Variants in FAM227B observed in about 807,000 individuals in gnomAD.
The protein encoded by FAM227B is family with sequence similarity 227 member B.
FAM227B carries 88 observed loss-of-function variants against 73.8 expected under a neutral mutation model. The observed-to-expected ratio is 1.19, with a 90% CI of 1.00 to 1.42. FAM227B has a LOEUF of 1.42. Among genes scored for constraint, FAM227B ranks in the 40% most tolerant of loss-of-function variants. The pLI, the probability that FAM227B is intolerant of heterozygous loss-of-function variation, is 0.00. For missense variants in FAM227B, 632 were observed against 590.9 expected (o/e 1.07, Z -0.72); for synonymous variants, 210 against 190.5 (o/e 1.10, Z -0.84).
At chr15:49,550,265 C>T (rs1276030005) in intron 9 of FAM227B, among the ~76,000 whole-genome samples, 85 of 146,166 alleles carry the variant, frequency 5.8e-4, no homozygotes, top group Admixed American at 1.7e-3. Flanking sequence ...GGGCTCCTCA[C>T]TTCCCAGTAG....
chr15:49,592,737 C>T (rs1186428548), intron 3 of FAM227B, among the ~76,000 whole-genome samples: 1 of 152,176 alleles, frequency 6.6e-6, no homozygotes, highest in African/African-American at 2.4e-5. Context: ...CAGATAGGGA[C>T]GTTTAAGTCT....
chr15:49,611,361 T>C lies in FAM227B; in HGVS notation c.52-93A>G, dbSNP rs553707862. The C allele has an allele frequency of 3.4e-5, 22 of 645,856 alleles. No homozygotes were observed. In the South Asian group the frequency reaches 4.7e-4, roughly 14 times the overall value. 40.0% of individuals were successfully genotyped at this position (645,856 alleles called of 1,614,324 possible). On this transcript the variant is annotated intron_variant, in intron 2 of 15. Transcript: ENST00000299338. The stretch of plus-strand genomic sequence containing the variant: ...AATTTACTTAAATAAAATGATACTC[T>C]ATTTATCATTTTCAGAGCGGTAAGA...
At position 49,489,840 on chromosome 15, in the gene FAM227B, TTTATATATATATATATATTTTATA is replaced by T. The variant is rs1567382187; in HGVS notation, c.1012+18347_1012+18370del. 8.2e-4 allele frequency among the ~76,000 whole-genome samples: 18 copies of T among 21,828 alleles called. No homozygotes were observed. In the East Asian group the frequency reaches 0.013, roughly 15 times the overall value. The allele number at this position is 21,828 out of a possible 152,430, so 14.3% of individuals were successfully genotyped here. ...ATATATTTTATATATATATATATATTTTATATATATATATATATTTTATATATATATATATATATATATAGAGAG... is the reference window on the plus strand; with the variant it reads ...ATATATTTTATATATATATATATATTTATATATATATATATATATAGAGAG... On this transcript the variant is annotated intron_variant, in intron 11 of 15. Transcript: ENST00000299338.
At chr15:49,523,302 T>C (rs1580998) in intron 10 of FAM227B, among the ~76,000 whole-genome samples, 134,841 of 152,142 alleles carry the variant, frequency 0.89, 61,119 homozygotes, top group Non-Finnish European at 0.98. Flanking sequence ...TGAATCATGA[T>C]GGTAGGTTTT....
chr15:49,361,490 C>A (rs899987283), intron 13 of FAM227B, among the ~76,000 whole-genome samples: 1 of 152,104 alleles, frequency 6.6e-6, no homozygotes, highest in South Asian at 2.1e-4. Flanking sequence ...TTAGTGAGAA[C>A]ATGTGGTTTT....
chr15:49,343,716 T>A (rs930143237), intron 13 of FAM227B: 4 of 152,186 alleles, frequency 2.6e-5, no homozygotes, highest in African/African-American at 9.7e-5. Flanking sequence ...AATGGCCAAT[T>A]TATCCACTGG....
At chr15:49,369,261 G>GT (rs1394503889) in intron 12 of FAM227B, among the ~76,000 whole-genome samples, 1 of 152,062 alleles carries the variant, frequency 6.6e-6, no homozygotes, top group African/African-American at 2.4e-5. Context: ...CCGGCCTGGT[G>GT]TTTTGGTTTT....
intron 11 of FAM227B, among the ~76,000 whole-genome samples, chr15:49,476,303 ATACT>A (rs1283134553): frequency 6.6e-6 from 1 of 150,936 alleles, no homozygotes; most frequent in Admixed American, 6.6e-5. Flanking sequence ...GAAAAAGAAA[ATACT>A]AACTGAATTT....
At chr15:49,499,807 A>C (rs1398898660) in intron 11 of FAM227B, among the ~76,000 whole-genome samples, 1 of 152,222 alleles carries the variant, frequency 6.6e-6, no homozygotes, top group Non-Finnish European at 1.5e-5. Context: ...GCAATATGCA[A>C]AGAAGTGATT....
chr15:49,560,263 C>A (rs2074135033), intron 9 of FAM227B, among the ~76,000 whole-genome samples: 1 of 151,906 alleles, frequency 6.6e-6, no homozygotes, highest in Non-Finnish European at 1.5e-5. Flanking sequence ...CTAGACTAAG[C>A]AGAAGAAAAA....
rs117380238 is a variant in FAM227B at position 49,419,434 on chromosome 15, C to A, written c.1013-48035G>T. On this transcript the variant is annotated intron_variant, in intron 11 of 15. Coordinates refer to ENST00000299338, the MANE Select transcript of FAM227B (RefSeq NM_152647.3). ...TCAGGAAGCATTTATGACTTTTTTC[C>A]CTCAACCTTTCCTTTCCAATATCTT... Among the ~76,000 whole-genome samples the A allele has an allele frequency of 2.0e-5, 3 of 152,238 alleles. No homozygotes were observed. The East Asian group carries it at 5.8e-4, about 29-fold the overall frequency.
intron 3 of FAM227B, among the ~76,000 whole-genome samples, chr15:49,600,834 A>C (rs2077152293): frequency 6.6e-6 from 1 of 151,686 alleles, no homozygotes; most frequent in African/African-American, 2.4e-5. Context: ...CCAGGTCAGG[A>C]GTTCAAGACC....
At chr15:49,516,336 A>T (rs2152136706) in intron 10 of FAM227B, among the ~76,000 whole-genome samples, 1 of 152,158 alleles carries the variant, frequency 6.6e-6, no homozygotes, top group Middle Eastern at 3.4e-3. Context: ...AGCTTTTAGC[A>T]ATTCACTAAA....
At chr15:49,463,164 C>T (rs1182999758) in intron 11 of FAM227B, among the ~76,000 whole-genome samples, 13 of 152,240 alleles carry the variant, frequency 8.5e-5, no homozygotes, top group Non-Finnish European at 1.6e-4. Flanking sequence ...ACTACAATCT[C>T]TTCACTGGTC....
chr15:49,331,563 C>A (rs2038759396), intron 15 of FAM227B: 1 of 483,878 alleles, frequency 2.1e-6, no homozygotes, highest in Non-Finnish European at 3.6e-6. Flanking sequence ...TGTTCCTGGT[C>A]AGAAGCTGGA....
rs184256190 is a variant in FAM227B, at chr15:49,604,605, A to G, written c.105+6610T>C. 2.4e-4 allele frequency among the ~76,000 whole-genome samples: 37 copies of G among 152,032 alleles called. No individual in the cohort carries two copies. The East Asian group carries it at 7.2e-3, about 29-fold the overall frequency. On this transcript the variant is annotated intron_variant, in intron 3 of 15. Coordinates refer to ENST00000299338, the MANE Select transcript of FAM227B (RefSeq NM_152647.3). The stretch of plus-strand genomic sequence containing the variant: ...TTTATTTTGCTCTCTCAATTTAGGA[A>G]TATTTCTATCATTCTTTCTTTAAAT...
At chr15:49,524,230 T>A (rs2059989316) in intron 10 of FAM227B, among the ~76,000 whole-genome samples, 1 of 152,072 alleles carries the variant, frequency 6.6e-6, no homozygotes, top group Non-Finnish European at 1.5e-5. Context: ...GAAAGATGGT[T>A]TTGTCAGCTG....
intron 10 of FAM227B, among the ~76,000 whole-genome samples, chr15:49,517,492 A>G (rs148033892): frequency 6.6e-6 from 1 of 152,308 alleles, no homozygotes; most frequent in African/African-American, 2.4e-5. Context: ...TATTTGAGTC[A>G]CAAATGTAAG....
chr15:49,389,358 T>C (rs1429357318), intron 11 of FAM227B, among the ~76,000 whole-genome samples: 1 of 151,976 alleles, frequency 6.6e-6, no homozygotes, highest in Non-Finnish European at 1.5e-5. Context: ...CTGGAGGCCA[T>C]TATTCTAAGT....
Sources: gnomAD v4.1 joint callset for allele counts (sites outside exome capture counted in the v4.1 genomes callset) on GRCh38, gnomAD v4.1.1 for gene constraint, MANE v1.5 for transcripts, NCBI Gene and HGNC (gene_info 2026-07-23, HGNC 2026-07-21) for gene names.